Variants in MYO7A observed in about 807,000 individuals in gnomAD.
MYO7A encodes the protein unconventional myosin-VIIa.
A neutral mutation model predicts 263.8 loss-of-function variants in MYO7A; 210 were observed. The ratio of observed to expected loss-of-function variants is 0.80; its 90% CI spans 0.71 to 0.89. The LOEUF (loss-of-function observed/expected upper bound fraction) is 0.89. Among genes scored for constraint, MYO7A ranks in the 40% least tolerant of loss-of-function variants. MYO7A has a pLI of 0.00. For synonymous variants in MYO7A, 1,239 were observed against 1,197.3 expected (o/e 1.03, Z -0.72); for missense variants, 2,820 against 2,968.3 (o/e 0.95, Z 1.16).
intron 7 of MYO7A, 83 bp downstream of exon 7, chr11:77,157,087 GCCCGTATTGCTC>G (rs1243907287): frequency 4.5e-6 from 7 of 1,546,622 alleles, no homozygotes; most frequent in Non-Finnish European, 6.1e-6. Context: ...CCGTATTGCT[GCCCGTATTGCTC>G]CCCCACCTGC....
intron 2 of MYO7A, among the ~76,000 whole-genome samples, chr11:77,133,961 C>T (rs1555046718): frequency 6.6e-6 from 1 of 152,208 alleles, no homozygotes; most frequent in Admixed American, 6.5e-5. Context: ...TGGAGTTTCA[C>T]TCTTGTAGCC....
intron 31 of MYO7A, 94 bp from the exon 32 acceptor site, chr11:77,194,260 A>C: frequency 7.1e-7 from 1 of 1,405,912 alleles, no homozygotes; most frequent in East Asian, 2.5e-5. Flanking sequence ...TACAGGAGGC[A>C]GGGCCAGGAG....
At chr11:77,206,298 C>G (rs535450629) in intron 41 of MYO7A, 96 bp downstream of exon 41, 1 of 901,580 alleles carries the variant, frequency 1.1e-6, no homozygotes, top group South Asian at 1.7e-5. Context: ...CCCCCATCAC[C>G]TGACATTTGC....
intron 24 of MYO7A, 112 bp downstream of exon 24, chr11:77,182,266 G>C: frequency 6.8e-7 from 1 of 1,474,716 alleles, no homozygotes. Flanking sequence ...CTGGGGGCCA[G>C]GGACCAGGTC....
At chr11:77,214,112 A>AAGGTC in intron 48 of MYO7A, 133 bp downstream of exon 48, 1 of 1,274,904 alleles carries the variant, frequency 7.8e-7, no homozygotes, top group Non-Finnish European at 1.1e-6. Flanking sequence ...TGCTGGGGCC[A>AAGGTC]AGGTCAGGTC....
chr11:77,179,768 C>T lies in MYO7A; in HGVS notation c.2401C>T (p.His801Tyr), dbSNP rs1555082590. 6.4e-7 allele frequency: 1 copy of T among 1,551,058 alleles called. No homozygotes were observed. Among genetic ancestry groups the T allele is most frequent in the Admixed American group, 1.9e-5 (1 of 52,068 alleles). Reference sequence around the variant, plus strand: ...GGGCTTCCTGCGGCTGCAGGCCCTGCACCGCTCCCGGAAGCTGCACCAGCA... The same window carrying T: ...GGGCTTCCTGCGGCTGCAGGCCCTGTACCGCTCCCGGAAGCTGCACCAGCA... ...RLGFLRLQALHRSRKLHQQYR... is the reference protein window; with the variant it reads ...RLGFLRLQALYRSRKLHQQYR... Residue 801 changes from histidine (H) to tyrosine (Y), a missense_variant, in exon 21 of 49, where the codon CAC becomes TAC. Coordinates refer to ENST00000409709, the MANE Select transcript of MYO7A (RefSeq NM_000260.4).
In MYO7A at chr11:77,189,352, T is replaced by C. The variant is rs1955862785; in HGVS notation, c.3512T>C (p.Ile1171Thr). 1 of 1,613,312 alleles carries C rather than the reference T, an allele frequency of 6.2e-7. No homozygotes were observed. Among genetic ancestry groups the C allele is most frequent in the Non-Finnish European group, 8.5e-7 (1 of 1,179,814 alleles). The change falls in exon 28 of 49, where the codon ATC becomes ACC. Residue 1171 changes from isoleucine to threonine, a missense_variant. Physicochemically the swap from Ile to Thr is moderately conservative, Grantham distance 89. Coordinates refer to ENST00000409709, the MANE Select transcript of MYO7A (RefSeq NM_000260.4). ...CCCTGCTGCCTGCCCAGGGACGAGA[T>C]CTACTGCCAGATCAGCAAGCAGCTG... Reference protein sequence around the residue: ...GILRPALRDEIYCQISKQLTH... With the variant: ...GILRPALRDETYCQISKQLTH...
In MYO7A at chr11:77,192,226, T is replaced by C. The variant is rs144878184; in HGVS notation, c.4100T>C (p.Ile1367Thr). 15 of 1,614,026 alleles carry C rather than the reference T, an allele frequency of 9.3e-6. No homozygotes were observed. The highest frequency in any genetic ancestry group is 1.2e-5 in the Non-Finnish European group (14 of 1,179,894). The change falls in exon 31 of 49, where the codon ATC becomes ACC. Residue 1367 changes from isoleucine (I) to threonine (T), a missense_variant. Coordinates refer to ENST00000409709, the MANE Select transcript of MYO7A (RefSeq NM_000260.4). ...GAGGACAACGTGGCCACCAACCTCATCTACCAGCAGGTGGTGCGAGGAGTC... is the reference window on the plus strand; with the variant it reads ...GAGGACAACGTGGCCACCAACCTCACCTACCAGCAGGTGGTGCGAGGAGTC... ...PSEDNVATNLIYQQVVRGVKF... is the reference protein window; with the variant it reads ...PSEDNVATNLTYQQVVRGVKF...
Position 77,197,516 on chromosome 11 carries a change from G to T in MYO7A, c.4359G>T (p.Lys1453Asn). Residue 1453 changes from lysine (K) to asparagine (N), a missense_variant, in exon 33 of 49, where the codon AAG becomes AAT. Physicochemically the swap from Lys to Asn is moderately conservative, Grantham distance 94. Transcript: ENST00000409709. ...IYAQRRTDAQ[K>N]VKEDVVSYAR... ...CCCAGAGGAGAACTGATGCCCAGAA[G>T]GTCAAAGAGGATGTGGTCAGTTATG... The T allele has an allele frequency of 6.2e-7, 1 of 1,607,300 alleles. No homozygotes were observed. The highest frequency in any genetic ancestry group is 2.2e-5 in the East Asian group (1 of 44,736).
At chr11:77,205,723 C>A in intron 40 of MYO7A, 106 bp downstream of exon 40, 2 of 1,466,618 alleles carry the variant, frequency 1.4e-6, no homozygotes, top group Non-Finnish European at 1.8e-6. Context: ...GCAGTTGGGC[C>A]CACCCCTGGG....
At chr11:77,144,962 G>A (rs942293844) in intron 3 of MYO7A, among the ~76,000 whole-genome samples, 19 of 152,154 alleles carry the variant, frequency 1.2e-4, no homozygotes, top group African/African-American at 3.9e-4. Flanking sequence ...CCCAGTTGCT[G>A]GCATTTCTTC....
chr11:77,165,007 A>G (rs1555071600), intron 14 of MYO7A, among the ~76,000 whole-genome samples: 1 of 152,240 alleles, frequency 6.6e-6, no homozygotes, highest in African/African-American at 2.4e-5. Flanking sequence ...GGTGTTCTGA[A>G]GAGAAGCAAG....
intron 22 of MYO7A, 62 bp from the exon 23 acceptor site, chr11:77,181,318 T>C: frequency 6.9e-7 from 1 of 1,446,880 alleles, no homozygotes; most frequent in South Asian, 1.3e-5. Flanking sequence ...GGAGAGCTTG[T>C]TCCCTGAGGC....
intron 27 of MYO7A, among the ~76,000 whole-genome samples, chr11:77,186,875 C>T (rs534998885): frequency 6.6e-6 from 1 of 152,348 alleles, no homozygotes; most frequent in East Asian, 1.9e-4. Context: ...CGGCTTTCAA[C>T]ATGCTTTCCT....
chr11:77,191,917 C>G (rs1027721101), intron 30 of MYO7A, 134 bp from the exon 31 acceptor site: 1 of 717,924 alleles, frequency 1.4e-6, no homozygotes, highest in Non-Finnish European at 2.3e-6. Flanking sequence ...TGGTCTGCCT[C>G]CTGGGGGCCT....
chr11:77,158,162 C>A, intron 8 of MYO7A, 115 bp from the exon 9 acceptor site: 1 of 1,257,938 alleles, frequency 7.9e-7, no homozygotes, highest in Non-Finnish European at 1.0e-6. Flanking sequence ...CCTGGGGCCC[C>A]GGGCTGGCCT....
At chr11:77,197,194 C>T (rs989819943) in intron 32 of MYO7A, among the ~76,000 whole-genome samples, 9 of 152,242 alleles carry the variant, frequency 5.9e-5, no homozygotes, top group Non-Finnish European at 1.2e-4. Context: ...ATCCTTGCTT[C>T]CCTGTCTCTG....
rs1397177755 is a variant in MYO7A at position 77,172,744 on chromosome 11, C to G, written c.1798-4C>G. The G allele has an allele frequency of 5.8e-6, 9 of 1,554,764 alleles. No individual in the cohort carries two copies. The highest frequency in any genetic ancestry group is 1.9e-5 in the Admixed American group (1 of 51,754). ...CCTCCCATCGCTGCCGTCCGTCCCCCCAGGGCGCCGAGACCAGGAAGCGCT... is the reference window on the plus strand; with the variant it reads ...CCTCCCATCGCTGCCGTCCGTCCCCGCAGGGCGCCGAGACCAGGAAGCGCT... On this transcript the variant is annotated splice_polypyrimidine_tract_variant and splice_region_variant and intron_variant, in intron 15 of 48. Transcript: ENST00000409709.
At position 77,208,515 on chromosome 11, in the gene MYO7A, A is replaced by C; in HGVS notation, c.5942A>C (p.Asp1981Ala). ...ATAAAGAAAGCTCGGCCCATCAAGG[A>C]CGGTAATGAGGCCGGGTCCTGGGAT... is the stretch of plus-strand genomic sequence containing the variant. ...DWIKKARPIK[D>A]GIVPSLTYQV... The change falls in exon 43 of 49, where the codon GAC (aspartate) becomes GCC (alanine). Residue 1981 changes from aspartate (D) to alanine (A), a missense_variant and splice_region_variant. By Grantham distance (126) the Asp-to-Ala change is moderately radical. Transcript: ENST00000409709. 1.9e-6 allele frequency: 3 copies of C among 1,612,540 alleles called. No homozygotes were observed. Among genetic ancestry groups the C allele is most frequent in the Non-Finnish European group, 2.5e-6 (3 of 1,179,210 alleles).
Sources: gnomAD v4.1 joint callset for allele counts (sites outside exome capture counted in the v4.1 genomes callset) on GRCh38, gnomAD v4.1.1 for gene constraint, MANE v1.5 for transcripts, NCBI Gene and HGNC (gene_info 2026-07-23, HGNC 2026-07-21) for gene names.